The following IQSEC3 variants were observed in gnomAD, a reference collection of about 807,000 sequenced individuals.
The protein encoded by IQSEC3 is IQ motif and Sec7 domain ArfGEF 3.
In IQSEC3, 50 loss-of-function variants were observed where a neutral mutation model predicts 105.4. The observed-to-expected ratio is 0.47, with a 90% CI of 0.38 to 0.60. The LOEUF (loss-of-function observed/expected upper bound fraction) is 0.60. Among genes scored for constraint, IQSEC3 ranks in the 20% least tolerant of loss-of-function variants. IQSEC3 has a pLI of 0.00. For synonymous variants in IQSEC3, 708 were observed against 746.0 expected (o/e 0.95, Z 0.83); for missense variants, 1,415 against 1,630.0 (o/e 0.87, Z 2.27).
chr12:93,694 G>T (rs868951391), intron 1 of IQSEC3, among the ~76,000 whole-genome samples: 1 of 152,172 alleles, frequency 6.6e-6, no homozygotes, highest in Admixed American at 6.5e-5. Flanking sequence ...TTGAATGTTT[G>T]TCCCCTCCAA....
At chr12:68,517 G>T (rs1555066638) in intron 1 of IQSEC3, among the ~76,000 whole-genome samples, 1 of 152,240 alleles carries the variant, frequency 6.6e-6, no homozygotes, top group East Asian at 1.9e-4. Context: ...GAAAGTGTCT[G>T]GGATGTTCTC....
Position 138,420 on chromosome 12 carries a change from C to G in IQSEC3, c.1057C>G (p.Leu353Val), listed in dbSNP as rs367585012. 9 of 1,608,654 alleles carry G rather than the reference C, an allele frequency of 5.6e-6. No individual in the cohort carries two copies. The highest frequency in any genetic ancestry group is 1.7e-5 in the Admixed American group (1 of 59,974). Residue 353 changes from leucine (L) to valine (V), a missense_variant, in exon 4 of 14, where the codon CTG (leucine) becomes GTG (valine). Coordinates refer to ENST00000538872, the MANE Select transcript of IQSEC3 (RefSeq NM_001170738.2). The surrounding 1 kb of genome is among the most constrained non-coding windows in gnomAD (Gnocchi z 7.1). ...LESRLPRRIS[L>V]RKVRSPTAES... The stretch of plus-strand genomic sequence containing the variant: ...GAGCCGCCTGCCACGGCGGATCTCC[C>G]TGCGCAAGGTGCGGTCACCCACGGC...
At chr12:173,692 C>G (rs947803777) in intron 13 of IQSEC3, among the ~76,000 whole-genome samples, 1 of 152,180 alleles carries the variant, frequency 6.6e-6, no homozygotes, top group Non-Finnish European at 1.5e-5. Context: ...TGGGTGGTGT[C>G]ATAGCCACGG....
chr12:74,611 G>A (rs1555068517), intron 1 of IQSEC3, among the ~76,000 whole-genome samples: 1 of 152,272 alleles, frequency 6.6e-6, no homozygotes, highest in Non-Finnish European at 1.5e-5. Context: ...CTATGGTCAT[G>A]CGGGCAGCCT....
At chr12:164,017 G>A (rs1192955707) in intron 9 of IQSEC3, among the ~76,000 whole-genome samples, 1 of 152,334 alleles carries the variant, frequency 6.6e-6, no homozygotes, top group Non-Finnish European at 1.5e-5. Flanking sequence ...GGGCCTAGGC[G>A]AGGCTGGTGT....
At chr12:82,841 C>T (rs1255813270) in intron 1 of IQSEC3, among the ~76,000 whole-genome samples, 7 of 152,314 alleles carry the variant, frequency 4.6e-5, no homozygotes, top group South Asian at 2.1e-4. Context: ...ATGGCCACCC[C>T]GCAGACAACT....
At chr12:77,489 T>TGG (rs782211182) in intron 1 of IQSEC3, 1 of 841,444 alleles carries the variant, frequency 1.2e-6, no homozygotes, top group East Asian at 1.3e-4. Flanking sequence ...CAGAGCTGTC[T>TGG]GGGGGTCACC....
chr12:131,690 A>T (rs1314569537), intron 3 of IQSEC3, among the ~76,000 whole-genome samples: 1 of 152,140 alleles, frequency 6.6e-6, no homozygotes, highest in African/African-American at 2.4e-5. Context: ...CCTGTGATGG[A>T]CAGTCCGCAG....
At chr12:81,881 G>A (rs1226350353) in intron 1 of IQSEC3, among the ~76,000 whole-genome samples, 1 of 152,194 alleles carries the variant, frequency 6.6e-6, no homozygotes, top group Non-Finnish European at 1.5e-5. Context: ...AGCACCTAGT[G>A]TTCTGGCAAA....
At chr12:94,971 C>A in intron 1 of IQSEC3, among the ~76,000 whole-genome samples, 1 of 152,304 alleles carries the variant, frequency 6.6e-6, no homozygotes, top group African/African-American at 2.4e-5. Flanking sequence ...GGGGTGTAGG[C>A]TCTCCACTGT....
At chr12:73,249 C>A (rs1489423376) in intron 1 of IQSEC3, among the ~76,000 whole-genome samples, 10 of 152,278 alleles carry the variant, frequency 6.6e-5, no homozygotes, top group African/African-American at 2.4e-4. Context: ...CTTGGTACCT[C>A]CCCAGCTGTG....
At chr12:93,147 G>C (rs1477701349) in intron 1 of IQSEC3, among the ~76,000 whole-genome samples, 1 of 152,192 alleles carries the variant, frequency 6.6e-6, no homozygotes, top group Non-Finnish European at 1.5e-5. Context: ...GGCTTTGAGA[G>C]ATAAGGACTT....
Position 175,314 on chromosome 12 carries a change from C to G in IQSEC3, c.*281C>G, listed in dbSNP as rs1227626364. On this transcript the variant is annotated 3_prime_UTR_variant, in exon 14 of 14. Coordinates refer to ENST00000538872, the MANE Select transcript of IQSEC3 (RefSeq NM_001170738.2). ...CTCCTCTTCCCCTGGCCACCACTTT[C>G]CCCCATTGGACCATGGACTGAAGAA... 1 of 434,206 alleles carries G rather than the reference C, an allele frequency of 2.3e-6. No homozygotes were observed. The highest frequency in any genetic ancestry group is 2.0e-5 in the African/African-American group (1 of 50,048). The allele number at this position is 434,206 out of a possible 1,614,324, so 26.9% of individuals were successfully genotyped here.
chr12:152,185 G>A lies in IQSEC3; in HGVS notation c.2154-4840G>A, dbSNP rs1555092849. Among the ~76,000 whole-genome samples the A allele has an allele frequency of 6.6e-6, 1 of 152,202 alleles. No homozygotes were observed. The highest frequency in any genetic ancestry group is 1.5e-5 in the Non-Finnish European group (1 of 68,044). On this transcript the variant is annotated intron_variant, in intron 5 of 13. Transcript: ENST00000538872. This position sits in a 1 kb window ranked among gnomAD's most constrained non-coding sequence, Gnocchi z 4.8. Reference sequence around the variant, plus strand: ...CAGGGCACAAAAAGCACCAGAAAGGGGAAGGCAGGAGGTCAGCGATATGGA... The same window carrying A: ...CAGGGCACAAAAAGCACCAGAAAGGAGAAGGCAGGAGGTCAGCGATATGGA...
chr12:138,900 G>A lies in IQSEC3; in HGVS notation c.1537G>A (p.Ala513Thr), dbSNP rs540986186. ...TALSVANCLG[A>T]QTVQAPAEPA... ...TCTGTCGGTGGCCAACTGCCTGGGC[G>A]CTCAGACGGTCCAGGCCCCCGCAGA... Residue 513 changes from alanine (A) to threonine (T), a missense_variant, in exon 4 of 14, where the codon GCT becomes ACT. Coordinates refer to ENST00000538872, the MANE Select transcript of IQSEC3 (RefSeq NM_001170738.2). This position sits in a 1 kb window ranked among gnomAD's most constrained non-coding sequence, Gnocchi z 7.1. 3.1e-6 allele frequency: 5 copies of A among 1,608,354 alleles called. No homozygotes were observed. The highest frequency in any genetic ancestry group is 1.3e-5 in the African/African-American group (1 of 74,946).
At chr12:115,914 C>G (rs1555080526) in intron 2 of IQSEC3, among the ~76,000 whole-genome samples, 2 of 152,200 alleles carry the variant, frequency 1.3e-5, no homozygotes, top group Admixed American at 1.3e-4. Flanking sequence ...TTAGAGAACT[C>G]TAGCACAAGA....
chr12:150,412 A>AATGGGGGCAGCCACTAGC (rs1290701794), intron 5 of IQSEC3, among the ~76,000 whole-genome samples: 1 of 152,172 alleles, frequency 6.6e-6, no homozygotes, highest in East Asian at 1.9e-4. Context: ...GAGCCACTGG[A>AATGGGGGCAGCCACTAGC]ATGGGGGCAG....
At chr12:120,878 C>T (rs542090275) in intron 2 of IQSEC3, among the ~76,000 whole-genome samples, 8 of 152,304 alleles carry the variant, frequency 5.3e-5, no homozygotes, top group African/African-American at 1.9e-4. Flanking sequence ...CATCTTGGTG[C>T]CACCCACGTT....
At position 117,278 on chromosome 12, in the gene IQSEC3, G is replaced by A. The variant is rs75452724; in HGVS notation, c.624-8355G>A. On this transcript the variant is annotated intron_variant, in intron 2 of 13. Transcript: ENST00000538872. ...GCCTGGGCCAGAGAGAGACGTGCCT[G>A]TGTGAAACTGTGTGTCATGTGTTGG... Among the ~76,000 whole-genome samples the A allele has an allele frequency of 2.6e-5, 4 of 152,358 alleles. No individual in the cohort carries two copies. In the East Asian group the frequency reaches 7.7e-4, roughly 29 times the overall value.
Sources: gnomAD v4.1 joint callset for allele counts (sites outside exome capture counted in the v4.1 genomes callset) on GRCh38, gnomAD v4.1.1 for gene constraint, Gnocchi (gnomAD v3.1) non-coding constraint, MANE v1.5 for transcripts, NCBI Gene and HGNC (gene_info 2026-07-23, HGNC 2026-07-21) for gene names.